The following RUNX2 variants were observed in gnomAD, a reference collection of about 807,000 sequenced individuals.
RUNX2 encodes the protein RUNX family transcription factor 2.
A neutral mutation model predicts 51.7 loss-of-function variants in RUNX2; 10 were observed. That is an observed-to-expected ratio of 0.19 (90% CI 0.12 to 0.33). The LOEUF (loss-of-function observed/expected upper bound fraction) is 0.33. Ranked by LOEUF, RUNX2 falls within the 10% of genes least tolerant of loss-of-function variation. The pLI is 1.00. For missense variants in RUNX2, 562 were observed against 691.3 expected, an observed-to-expected ratio of 0.81 and a Z score of 2.10; for synonymous variants, 276 against 273.6, an observed-to-expected ratio of 1.01 and a Z score of -0.09.
rs13200034 is a variant in RUNX2 at position 45,521,709 on chromosome 6, C to T, written c.1021+9302C>T. Among the ~76,000 whole-genome samples the T allele has an allele frequency of 7.0e-3, 1,072 of 152,288 alleles. 8 individuals are homozygous for T. The highest frequency in any genetic ancestry group is 0.015 in the Admixed American group (223 of 15,302). On this transcript the variant is annotated intron_variant, in intron 7 of 8. Coordinates refer to ENST00000647337, the MANE Select transcript of RUNX2 (RefSeq NM_001024630.4). ...TGAATTTTTCCTGTATGCCCCACCT[C>T]TGCCTGTTTTTTTTGACGCTTTCTG...
chr6:45,544,306 G>A (rs1029196283), intron 7 of RUNX2, among the ~76,000 whole-genome samples: 5 of 152,138 alleles, frequency 3.3e-5, no homozygotes, highest in Admixed American at 2.0e-4. Flanking sequence ...AACCAAAAAG[G>A]TACAGTGATC....
At chr6:45,335,945 T>C (rs1788461803) in intron 2 of RUNX2, among the ~76,000 whole-genome samples, 1 of 151,324 alleles carries the variant, frequency 6.6e-6, no homozygotes, top group South Asian at 2.1e-4. Flanking sequence ...TTTAAGAAGA[T>C]AATGCCTATG....
At chr6:45,385,069 G>T (rs1039152054) in intron 2 of RUNX2, among the ~76,000 whole-genome samples, 11 of 152,084 alleles carry the variant, frequency 7.2e-5, no homozygotes, top group Non-Finnish European at 1.0e-4. Flanking sequence ...CATTTACTGA[G>T]GACGTAGTAA....
At position 45,492,007 on chromosome 6, in the gene RUNX2, G is replaced by C; in HGVS notation, c.752G>C (p.Arg251Pro). 6.2e-7 allele frequency: 1 copy of C among 1,613,844 alleles called. No individual in the cohort carries two copies. Among genetic ancestry groups the C allele is most frequent in the Non-Finnish European group, 8.5e-7 (1 of 1,179,886 alleles). ...LFSDRLSDLG[R>P]IPHPSMRVGV... ...TCTGACCGCCTCAGTGATTTAGGGC[G>C]CATTCCTCATCCCAGTATGAGAGTA... Residue 251 changes from arginine (R) to proline (P), a missense_variant, in exon 6 of 9, where the codon CGC becomes CCC. Transcript: ENST00000647337.
At chr6:45,422,232 C>T in intron 2 of RUNX2, 1 of 260,664 alleles carries the variant, frequency 3.8e-6, no homozygotes, top group Non-Finnish European at 7.3e-6. Context: ...CCCAAGGGAC[C>T]CCATTCCAAG....
intron 2 of RUNX2, among the ~76,000 whole-genome samples, chr6:45,355,892 A>G (rs149300403): frequency 6.6e-6 from 1 of 152,226 alleles, no homozygotes; most frequent in Non-Finnish European, 1.5e-5. Context: ...TGCCAGGCCA[A>G]CCCCAAAAAT....
chr6:45,361,140 G>T (rs1794182573), intron 2 of RUNX2, among the ~76,000 whole-genome samples: 1 of 152,112 alleles, frequency 6.6e-6, no homozygotes, highest in African/African-American at 2.4e-5. Flanking sequence ...TGCAAAAATT[G>T]CAGAACTGTA....
chr6:45,523,518 G>T (rs183088843), intron 7 of RUNX2, among the ~76,000 whole-genome samples: 190 of 151,962 alleles, frequency 1.3e-3, no homozygotes, highest in African/African-American at 4.4e-3. Context: ...TGATCTACCC[G>T]CCTCGGCCTC....
Position 45,545,214 on chromosome 6 carries a change from C to A in RUNX2, c.1022-3C>A. On this transcript the variant is annotated splice_region_variant and splice_polypyrimidine_tract_variant and intron_variant, in intron 7 of 8. Transcript: ENST00000647337. ...CTTAGAGCTCATCCCCCTCATTTTA[C>A]AGATGATGACACTGCCACCTCTGAC... 3 of 1,546,964 alleles carry A rather than the reference C, an allele frequency of 1.9e-6. No individual in the cohort carries two copies. Among genetic ancestry groups the A allele is most frequent in the Non-Finnish European group, 2.6e-6 (3 of 1,145,166 alleles).
chr6:45,482,936 G>A (rs983061822), intron 5 of RUNX2, among the ~76,000 whole-genome samples: 29 of 152,188 alleles, frequency 1.9e-4, no homozygotes, highest in African/African-American at 6.8e-4. Context: ...ATATGTGGTA[G>A]TGATTATGAT....
chr6:45,517,186 AT>A (rs201004641), intron 7 of RUNX2, among the ~76,000 whole-genome samples: 55 of 148,578 alleles, frequency 3.7e-4, no homozygotes, highest in South Asian at 1.1e-3. Context: ...GTCACTATAG[AT>A]TTTTTTTTTT....
At chr6:45,542,391 G>A (rs185701040) in intron 7 of RUNX2, among the ~76,000 whole-genome samples, 2 of 152,302 alleles carry the variant, frequency 1.3e-5, no homozygotes, top group East Asian at 3.9e-4. Flanking sequence ...CTATTTTAAT[G>A]AGCAAAGTTC....
At chr6:45,530,336 G>A (rs995031105) in intron 7 of RUNX2, among the ~76,000 whole-genome samples, 3 of 152,202 alleles carry the variant, frequency 2.0e-5, no homozygotes, top group Non-Finnish European at 4.4e-5. Context: ...ACCACTTTAG[G>A]TTATATAGAA....
In RUNX2 at chr6:45,374,137, C is replaced by T. The variant is rs75464007; in HGVS notation, c.58+45353C>T. ...CATTTTACTGATAAGGAAATTGAGGCTCTGATATTAATAAGTTAAATACCT... is the reference window on the plus strand; with the variant it reads ...CATTTTACTGATAAGGAAATTGAGGTTCTGATATTAATAAGTTAAATACCT... On this transcript the variant is annotated intron_variant, in intron 2 of 8. Coordinates refer to ENST00000647337, the MANE Select transcript of RUNX2 (RefSeq NM_001024630.4). Among the ~76,000 whole-genome samples, 535 of 152,228 alleles carry T rather than the reference C, an allele frequency of 3.5e-3. 5 individuals carry two copies. The highest frequency in any genetic ancestry group is 0.013 in the African/African-American group (521 of 41,526).
At chr6:45,349,561 G>A (rs1791602067) in intron 2 of RUNX2, among the ~76,000 whole-genome samples, 1 of 152,184 alleles carries the variant, frequency 6.6e-6, no homozygotes, top group Non-Finnish European at 1.5e-5. Flanking sequence ...AGACCCAGCA[G>A]TTTAATGGTT....
At chr6:45,504,387 A>T (rs1448906405) in intron 6 of RUNX2, among the ~76,000 whole-genome samples, 1 of 152,196 alleles carries the variant, frequency 6.6e-6, no homozygotes, top group Non-Finnish European at 1.5e-5. Flanking sequence ...TTCCCATGTT[A>T]CAGGTGAAAA....
intron 2 of RUNX2, among the ~76,000 whole-genome samples, chr6:45,358,377 C>T (rs9472468): frequency 0.12 from 18,367 of 152,048 alleles, 1,269 homozygotes; most frequent in African/African-American, 0.19. Flanking sequence ...GCTATCACAC[C>T]GGATAAAAAG....
chr6:45,542,642 A>G (rs1032466338), intron 7 of RUNX2, among the ~76,000 whole-genome samples: 1 of 152,154 alleles, frequency 6.6e-6, no homozygotes, highest in Non-Finnish European at 1.5e-5. Context: ...AAAGATAGGA[A>G]CTCTCACTGG....
chr6:45,464,051 G>A (rs1257493472), intron 5 of RUNX2, among the ~76,000 whole-genome samples: 1 of 152,138 alleles, frequency 6.6e-6, no homozygotes, highest in Non-Finnish European at 1.5e-5. Context: ...AAATTAGCCA[G>A]GCGTGGTGGC....
Sources: allele counts gnomAD v4.1 joint callset (sites outside exome capture counted in the v4.1 genomes callset), GRCh38; gene constraint gnomAD v4.1.1; transcripts MANE v1.5; gene names NCBI Gene and HGNC (gene_info 2026-07-23, HGNC 2026-07-21).